Variants in SNX29 observed in about 807,000 individuals in gnomAD.
SNX29 encodes the protein sorting nexin 29, also known as sorting nexin-29.
A neutral mutation model predicts 102.1 loss-of-function variants in SNX29; 78 were observed. The observed-to-expected ratio is 0.76, with a 90% CI of 0.64 to 0.92. The LOEUF (loss-of-function observed/expected upper bound fraction) is 0.92. Among genes scored for constraint, SNX29 ranks in the 40% least tolerant of loss-of-function variants. The pLI is 0.00. For missense variants in SNX29, 1,280 were observed against 1,061.7 expected (o/e 1.21, Z -2.86); for synonymous variants, 580 against 414.5 (o/e 1.40, Z -4.85).
Position 12,470,957 on chromosome 16 carries a change from T to C in SNX29, c.2038-6762T>C, listed in dbSNP as rs547836143. ...CTGCCTTACAGATGAAGAAGCTGAG[T>C]CTCAATGTGGGGTGTCATCCCCAGG... On this transcript the variant is annotated intron_variant, in intron 18 of 20. Coordinates refer to ENST00000566228, the MANE Select transcript of SNX29 (RefSeq NM_032167.5). Among the ~76,000 whole-genome samples, 3 of 152,132 alleles carry C rather than the reference T, an allele frequency of 2.0e-5. No homozygotes were observed. In the East Asian group the frequency reaches 5.8e-4, roughly 30 times the overall value.
intron 14 of SNX29, among the ~76,000 whole-genome samples, chr16:12,244,703 C>T (rs571102672): frequency 5.5e-4 from 84 of 152,252 alleles, no homozygotes; most frequent in African/African-American, 1.9e-3. Context: ...CTGATCAGAG[C>T]CCTGGTATCT....
chr16:12,162,740 G>A (rs753079083), intron 13 of SNX29, among the ~76,000 whole-genome samples: 1 of 152,208 alleles, frequency 6.6e-6, no homozygotes, highest in Non-Finnish European at 1.5e-5. Context: ...TTTGAACGGG[G>A]CCTGGCTCGT....
chr16:12,319,323 C>T, intron 15 of SNX29, among the ~76,000 whole-genome samples: 1 of 152,118 alleles, frequency 6.6e-6, no homozygotes, highest in Middle Eastern at 3.2e-3. Context: ...GCAACATAGA[C>T]CGTCTCTACA....
At position 12,275,425 on chromosome 16, in the gene SNX29, C is replaced by T. The variant is rs2079214373; in HGVS notation, c.1679-2508C>T. On this transcript the variant is annotated intron_variant, in intron 14 of 20. Transcript: ENST00000566228. ...TACTGCGTTTTCTCCAGAGAATAAACATGTATATTTTGCTAATCGCTTCTT... is the reference window on the plus strand; with the variant it reads ...TACTGCGTTTTCTCCAGAGAATAAATATGTATATTTTGCTAATCGCTTCTT... Among the ~76,000 whole-genome samples the T allele has an allele frequency of 6.6e-5, 10 of 152,246 alleles. 1 individual carries two copies. Among genetic ancestry groups the T allele is most frequent in the Admixed American group, 6.5e-4 (10 of 15,286 alleles).
At chr16:12,381,826 C>CATCCATCCACTCACCCATT (rs1411261804) in intron 16 of SNX29, among the ~76,000 whole-genome samples, 1 of 143,776 alleles carries the variant, frequency 7.0e-6, no homozygotes, top group Non-Finnish European at 1.5e-5. Context: ...ACCCACCCAT[C>CATCCATCCACTCACCCATT]ATCCATCCAC....
intron 19 of SNX29, among the ~76,000 whole-genome samples, chr16:12,489,230 C>A (rs1383198946): frequency 2.0e-5 from 3 of 151,048 alleles, no homozygotes; most frequent in Admixed American, 6.6e-5. Context: ...CAGAAAAACA[C>A]AAAAAACAAA....
intron 20 of SNX29, among the ~76,000 whole-genome samples, chr16:12,568,090 G>C (rs145524027): frequency 6.6e-6 from 1 of 152,168 alleles, no homozygotes; most frequent in South Asian, 2.1e-4. Flanking sequence ...TCCGTCTCCT[G>C]TGTTTTGCTA....
In SNX29 at chr16:12,480,104, C is replaced by T. The variant is rs574806209; in HGVS notation, c.2178+2245C>T. Reference sequence around the variant, plus strand: ...ATTTAGCTTAAAGTCTTAGTTAGAACCTGTCAACAACATTAAGTCAACACT... The same window carrying T: ...ATTTAGCTTAAAGTCTTAGTTAGAATCTGTCAACAACATTAAGTCAACACT... On this transcript the variant is annotated intron_variant, in intron 19 of 20. Transcript: ENST00000566228. Among the ~76,000 whole-genome samples, 59 of 152,304 alleles carry T rather than the reference C, an allele frequency of 3.9e-4. 1 individual carries two copies. Among genetic ancestry groups the T allele is most frequent in the Middle Eastern group, 3.4e-3 (1 of 294 alleles).
At chr16:12,078,257 T>C (rs896024680) in intron 10 of SNX29, among the ~76,000 whole-genome samples, 6 of 151,992 alleles carry the variant, frequency 3.9e-5, no homozygotes, top group Admixed American at 1.3e-4. Context: ...GGTGGATCAC[T>C]TGAGGTCAGG....
intron 13 of SNX29, among the ~76,000 whole-genome samples, chr16:12,137,325 C>T (rs2054700604): frequency 6.6e-6 from 1 of 152,190 alleles, no homozygotes; most frequent in Non-Finnish European, 1.5e-5. Flanking sequence ...TCTCTTGGGC[C>T]CTTTCCTTGT....
chr16:12,345,456 G>A (rs1159460358), intron 15 of SNX29, among the ~76,000 whole-genome samples: 1 of 152,216 alleles, frequency 6.6e-6, no homozygotes, highest in Non-Finnish European at 1.5e-5. Context: ...ACCAGTGGGA[G>A]CTCTATCTAG....
intron 1 of SNX29, among the ~76,000 whole-genome samples, chr16:11,997,910 T>C (rs1596553365): frequency 2.0e-5 from 3 of 152,298 alleles, no homozygotes; most frequent in Admixed American, 2.0e-4. Context: ...ACACACACAA[T>C]CACTTGACTT....
At chr16:12,448,442 T>A (rs1597413208) in intron 18 of SNX29, among the ~76,000 whole-genome samples, 1 of 150,502 alleles carries the variant, frequency 6.6e-6, no homozygotes, top group South Asian at 2.1e-4. Flanking sequence ...AAGTGCAGAT[T>A]ATTAAATTGT....
At chr16:12,563,670 G>C (rs958957735) in intron 20 of SNX29, among the ~76,000 whole-genome samples, 3 of 152,166 alleles carry the variant, frequency 2.0e-5, no homozygotes, top group African/African-American at 4.8e-5. Flanking sequence ...AATTCCCCGA[G>C]AGCCCATGAT....
chr16:12,310,435 A>T (rs1472905015), intron 15 of SNX29, among the ~76,000 whole-genome samples: 1 of 152,182 alleles, frequency 6.6e-6, no homozygotes, highest in Non-Finnish European at 1.5e-5. Context: ...CAGTGAAAAG[A>T]TACACAAGTT....
chr16:12,139,980 CAA>C (rs59169166), intron 13 of SNX29, among the ~76,000 whole-genome samples: 15 of 88,574 alleles, frequency 1.7e-4, no homozygotes, highest in Admixed American at 9.4e-4. Flanking sequence ...TACCCTGTCT[CAA>C]AAAAAAAAAA....
chr16:12,513,781 C>T (rs2089740849), intron 19 of SNX29, among the ~76,000 whole-genome samples: 1 of 152,224 alleles, frequency 6.6e-6, no homozygotes, highest in South Asian at 2.1e-4. Context: ...TTGCTAACAG[C>T]GCCCAGTCAG....
At chr16:12,394,282 C>T (rs774972695) in intron 16 of SNX29, among the ~76,000 whole-genome samples, 1 of 149,398 alleles carries the variant, frequency 6.7e-6, no homozygotes, top group Admixed American at 6.6e-5. Context: ...GTTACTTGAT[C>T]TTCTGGGCAT....
chr16:12,562,404 C>T (rs960531984), intron 20 of SNX29, among the ~76,000 whole-genome samples: 7 of 152,102 alleles, frequency 4.6e-5, no homozygotes, highest in African/African-American at 1.7e-4. Context: ...GATCACATAC[C>T]ATACAATTTA....
Sources: allele counts gnomAD v4.1 joint callset (sites outside exome capture counted in the v4.1 genomes callset), GRCh38; gene constraint gnomAD v4.1.1; transcripts MANE v1.5; gene names NCBI Gene and HGNC (gene_info 2026-07-23, HGNC 2026-07-21).